The following SLC16A6 variants were observed in gnomAD, a reference collection of about 807,000 sequenced individuals.
SLC16A6 encodes solute carrier family 16 member 6, also known as monocarboxylate transporter 7.
Under a neutral mutation model 33.8 loss-of-function variants are expected in SLC16A6, and 15 were observed. The observed-to-expected ratio is 0.44, with a 90% CI of 0.30 to 0.68. The LOEUF (loss-of-function observed/expected upper bound fraction) is 0.68, where lower values mean the gene tolerates loss of function less well. SLC16A6 is among the 30% of genes least tolerant of loss of function. The pLI, the probability that SLC16A6 is intolerant of heterozygous loss-of-function variation, is 0.10. For missense variants in SLC16A6, 451 were observed against 661.5 expected, an observed-to-expected ratio of 0.68 and a Z score of 3.49; for synonymous variants, 219 against 248.4, an observed-to-expected ratio of 0.88 and a Z score of 1.11.
chr17:68,276,166 T>C (rs530007910), intron 2 of SLC16A6, among the ~76,000 whole-genome samples: 6 of 150,870 alleles, frequency 4.0e-5, no homozygotes, highest in Middle Eastern at 3.2e-3. Flanking sequence ...CAATCTCAGC[T>C]CACTGCAACC....
In SLC16A6 at chr17:68,271,094, T is replaced by C; in HGVS notation, c.1066A>G (p.Ile356Val). The C allele has an allele frequency of 6.2e-7, 1 of 1,614,178 alleles. No homozygotes were observed. Among genetic ancestry groups the C allele is most frequent in the South Asian group, 1.1e-5 (1 of 91,078 alleles). The change falls in exon 5 of 6, where the codon ATT (isoleucine) becomes GTT (valine). Residue 356 changes from isoleucine to valine, a missense_variant. Physicochemically the swap from Ile to Val is conservative, Grantham distance 29. Around this residue, in one of 2 missense-constraint regions of SLC16A6, gnomAD observed 405 missense variants for 510.7 expected, o/e 0.79. Transcript: ENST00000580666. This position sits in a 1 kb window ranked among gnomAD's most constrained non-coding sequence, Gnocchi z 5.3. ...GAGFVLNREPIRKIYIELICV... is the reference protein window; with the variant it reads ...GAGFVLNREPVRKIYIELICV... The stretch of plus-strand genomic sequence containing the variant: ...ATGAGCTCAATGTAAATCTTACGAA[T>C]GGGCTCCCTGTTGAGGACAAAACCA...
intron 1 of SLC16A6, among the ~76,000 whole-genome samples, chr17:68,287,881 T>C (rs924690146): frequency 6.6e-6 from 1 of 152,138 alleles, no homozygotes. Flanking sequence ...AGTGCTTGGT[T>C]GCAGAATAAA....
chr17:68,283,392 G>A (rs1189076406), intron 1 of SLC16A6, among the ~76,000 whole-genome samples: 2 of 152,000 alleles, frequency 1.3e-5, no homozygotes, highest in African/African-American at 2.4e-5. Flanking sequence ...GTGGTGGCGG[G>A]CGCCTGTAGT....
chr17:68,284,772 T>C (rs1278915162), intron 1 of SLC16A6, among the ~76,000 whole-genome samples: 1 of 152,226 alleles, frequency 6.6e-6, no homozygotes, highest in African/African-American at 2.4e-5. Context: ...TTATACACTA[T>C]TACGGCTAAA....
intron 1 of SLC16A6, among the ~76,000 whole-genome samples, chr17:68,285,914 C>T (rs1416437424): frequency 2.6e-5 from 4 of 152,126 alleles, no homozygotes; most frequent in African/African-American, 9.7e-5. Flanking sequence ...CGCCCGCCAC[C>T]ATGCCCAGCT....
intron 2 of SLC16A6, among the ~76,000 whole-genome samples, chr17:68,275,414 G>A (rs1555750565): frequency 6.6e-6 from 1 of 152,144 alleles, no homozygotes; most frequent in African/African-American, 2.4e-5. Flanking sequence ...AATCTTGGAT[G>A]TAGCTCATAA....
Position 68,273,973 on chromosome 17 carries a change from G to A in SLC16A6, c.330C>T (p.Phe110=). The A allele has an allele frequency of 6.2e-7, 1 of 1,614,202 alleles. No homozygotes were observed. The highest frequency in any genetic ancestry group is 8.5e-7 in the Non-Finnish European group (1 of 1,180,024). The change falls in exon 3 of 6, where the codon TTC becomes TTT. Residue 110 remains phenylalanine, a synonymous_variant. Coordinates refer to ENST00000580666, the MANE Select transcript of SLC16A6 (RefSeq NM_004694.5). ...LVSTGMVAAS[F]SQEVSHMYVA... Reference sequence around the variant, plus strand: ...CGTACATATGAGAAACCTCTTGTGAGAAGGAGGCGGCCACCATCCCGGTGC... The same window carrying A: ...CGTACATATGAGAAACCTCTTGTGAAAAGGAGGCGGCCACCATCCCGGTGC...
chr17:68,279,893 T>A (rs782353951), intron 1 of SLC16A6, among the ~76,000 whole-genome samples: 1 of 151,990 alleles, frequency 6.6e-6, no homozygotes, highest in Non-Finnish European at 1.5e-5. Flanking sequence ...GTTTAAGAAT[T>A]CTTTATGGCT....
At chr17:68,270,619 C>T (rs2075308129) in intron 5 of SLC16A6, among the ~76,000 whole-genome samples, 1 of 151,990 alleles carries the variant, frequency 6.6e-6, no homozygotes, top group Non-Finnish European at 1.5e-5. Context: ...CTGAATCGAC[C>T]ACTAATTTAC....
intron 1 of SLC16A6, among the ~76,000 whole-genome samples, chr17:68,286,047 C>A (rs1028850035): frequency 1.3e-5 from 2 of 152,312 alleles, no homozygotes; most frequent in East Asian, 3.9e-4. Flanking sequence ...ATGTGAGCCA[C>A]CGCGCCTGGC....
At position 68,271,480 on chromosome 17, in the gene SLC16A6, T is replaced by G; in HGVS notation, c.680A>C (p.Glu227Ala). ...ENRKEAQYML[E>A]NEKTRTSIDS... ...TATTGAGGTTCGTGTTTTCTCATTTTCAAGCATATACTGCGCTTCTTTCCG... is the reference window on the plus strand; with the variant it reads ...TATTGAGGTTCGTGTTTTCTCATTTGCAAGCATATACTGCGCTTCTTTCCG... The change falls in exon 5 of 6, where the codon GAA becomes GCA. Residue 227 changes from glutamate (E) to alanine (A), a missense_variant. Physicochemically the swap from Glu to Ala is moderately radical, Grantham distance 107. This residue lies in a region of SLC16A6 where 405 missense variants were observed against 510.7 expected (regional missense o/e 0.79). Transcript: ENST00000580666. The surrounding 1 kb of genome is among the most constrained non-coding windows in gnomAD (Gnocchi z 5.3). 1 of 1,614,204 alleles carries G rather than the reference T, an allele frequency of 6.2e-7. No homozygotes were observed. Among genetic ancestry groups the G allele is most frequent in the Non-Finnish European group, 8.5e-7 (1 of 1,180,046 alleles).
At chr17:68,285,746 GTGC>G (rs2075826139) in intron 1 of SLC16A6, 1 of 152,080 alleles carries the variant, frequency 6.6e-6, no homozygotes, top group African/African-American at 2.4e-5. Context: ...CTATAGGTAT[GTGC>G]TACCATGCCC....
intron 5 of SLC16A6, 92 bp downstream of exon 5, chr17:68,270,747 G>A (rs782473232): frequency 3.2e-5 from 35 of 1,081,910 alleles, no homozygotes; most frequent in Admixed American, 8.1e-5. Context: ...AATATAAAAC[G>A]GCAGTAAGTT....
chr17:68,272,998 T>A (rs1426331262), intron 3 of SLC16A6, among the ~76,000 whole-genome samples: 3 of 151,924 alleles, frequency 2.0e-5, no homozygotes, highest in East Asian at 1.9e-4. Flanking sequence ...TTTTTTTTTT[T>A]ATCTTTGCAA....
At chr17:68,276,095 CTCTTT>C (rs2075508994) in intron 2 of SLC16A6, among the ~76,000 whole-genome samples, 1 of 152,000 alleles carries the variant, frequency 6.6e-6, no homozygotes, top group Non-Finnish European at 1.5e-5. Context: ...TTCTCTCTCT[CTCTTT>C]TTTTATTTTT....
At chr17:68,285,359 C>T (rs1310500510) in intron 1 of SLC16A6, among the ~76,000 whole-genome samples, 1 of 152,190 alleles carries the variant, frequency 6.6e-6, no homozygotes, top group African/African-American at 2.4e-5. Context: ...ACGATCATAG[C>T]TCACTGCAGC....
chr17:68,282,779 T>TA (rs36155626), intron 1 of SLC16A6, among the ~76,000 whole-genome samples: 2,454 of 53,354 alleles, frequency 0.046, 130 homozygotes, highest in Non-Finnish European at 0.064. Context: ...CCATCTCTAC[T>TA]AAAAAAAAAA....
chr17:68,280,179 C>CAAAAAAAAAAAAAAAAAAAAAAAAAAAA (rs58937538), intron 1 of SLC16A6, among the ~76,000 whole-genome samples: 1 of 87,568 alleles, frequency 1.1e-5, no homozygotes, highest in Admixed American at 1.3e-4. Flanking sequence ...AACTCTGTCT[C>CAAAAAAAAAAAAAAAAAAAAAAAAAAAA]AAAAAAAAAA....
chr17:68,277,937 T>A (rs2075577545), intron 2 of SLC16A6, 152 bp downstream of exon 2: 1 of 600,140 alleles, frequency 1.7e-6, no homozygotes, highest in South Asian at 2.2e-5. Flanking sequence ...CAATCCTCAA[T>A]GCTCTGAAAA....
Sources: allele counts gnomAD v4.1 joint callset (sites outside exome capture counted in the v4.1 genomes callset), GRCh38; gene constraint gnomAD v4.1.1; regional missense constraint gnomAD v4.1.1; non-coding constraint Gnocchi (gnomAD v3.1); transcripts MANE v1.5; gene names NCBI Gene and HGNC (gene_info 2026-07-23, HGNC 2026-07-21).